FARP2: variants seen among roughly 807,000 people sequenced by gnomAD.
FARP2 encodes the protein FERM, ARHGEF and pleckstrin domain-containing protein 2.
FARP2 carries 111 observed loss-of-function variants against 130.5 expected under a neutral mutation model. The ratio of observed to expected loss-of-function variants is 0.85; its 90% CI spans 0.73 to 1.00. The LOEUF (loss-of-function observed/expected upper bound fraction) is 1.00. Among genes scored for constraint, FARP2 ranks in the 50% least tolerant of loss-of-function variants. The pLI is 0.00. For missense variants in FARP2, 1,385 were observed against 1,346.3 expected, an observed-to-expected ratio of 1.03 and a Z score of -0.45; for synonymous variants, 504 against 516.9, an observed-to-expected ratio of 0.98 and a Z score of 0.34.
At chr2:241,407,431 G>GTTT (rs2062389920) in intron 4 of FARP2, 106 bp from the exon 5 acceptor site, 1 of 839,796 alleles carries the variant, frequency 1.2e-6, no homozygotes, top group South Asian at 1.5e-5. Context: ...AAGATTTGCT[G>GTTT]TAACAGTCCA....
intron 8 of FARP2, among the ~76,000 whole-genome samples, chr2:241,425,340 T>C (rs2062906589): frequency 6.6e-6 from 1 of 152,056 alleles, no homozygotes; most frequent in African/African-American, 2.4e-5. Context: ...TGAGATTTAA[T>C]TAAACTGAAA....
At chr2:241,472,071 G>A (rs919031847) in intron 18 of FARP2, among the ~76,000 whole-genome samples, 5 of 151,618 alleles carry the variant, frequency 3.3e-5, no homozygotes, top group African/African-American at 1.2e-4. Context: ...GCCATTTTGA[G>A]GGGATCCTGT....
intron 2 of FARP2, among the ~76,000 whole-genome samples, chr2:241,393,159 A>G (rs2061950080): frequency 2.6e-5 from 4 of 151,726 alleles, no homozygotes; most frequent in Admixed American, 6.6e-5. Context: ...AGCTGGGACT[A>G]CAGGCACCTG....
chr2:241,474,783 C>A (rs1282783708), intron 18 of FARP2, among the ~76,000 whole-genome samples: 2 of 147,642 alleles, frequency 1.4e-5, no homozygotes, highest in South Asian at 2.2e-4. Flanking sequence ...CAGAGTGAGA[C>A]CCTGTCTCTA....
intron 7 of FARP2, among the ~76,000 whole-genome samples, chr2:241,415,153 A>G (rs1197406789): frequency 6.6e-6 from 1 of 152,090 alleles, no homozygotes; most frequent in Non-Finnish European, 1.5e-5. Context: ...GGTGCTTCTC[A>G]TCCATTTGCC....
At chr2:241,424,765 A>C (rs986463452) in intron 8 of FARP2, among the ~76,000 whole-genome samples, 4 of 152,230 alleles carry the variant, frequency 2.6e-5, no homozygotes, top group Non-Finnish European at 5.9e-5. Context: ...TGATAGGGGA[A>C]TATCACCACT....
At chr2:241,402,847 TATATATATATATATATATATA>T (rs2062210187) in intron 2 of FARP2, among the ~76,000 whole-genome samples, 1 of 7,294 alleles carries the variant, frequency 1.4e-4, no homozygotes, top group African/African-American at 4.6e-4. Context: ...TATATATATA[TATATATATATATATATATATA>T]TATATATATA....
intron 17 of FARP2, among the ~76,000 whole-genome samples, 176 bp from the exon 18 acceptor site, chr2:241,467,964 C>A (rs568398065): frequency 2.5e-4 from 38 of 152,164 alleles, no homozygotes; most frequent in Admixed American, 2.5e-3. Context: ...GCATCTGAGA[C>A]GGGTTGAGAT....
At chr2:241,358,168 G>A (rs897955964) in intron 1 of FARP2, among the ~76,000 whole-genome samples, 3 of 152,158 alleles carry the variant, frequency 2.0e-5, no homozygotes, top group East Asian at 1.9e-4. Context: ...CATCCTGGGC[G>A]ACAGAGCGAG....
At chr2:241,467,535 G>A (rs573411910) in intron 17 of FARP2, among the ~76,000 whole-genome samples, 7 of 151,832 alleles carry the variant, frequency 4.6e-5, no homozygotes, top group Non-Finnish European at 1.0e-4. Flanking sequence ...CTGTTCTTGC[G>A]GGGGGCTAAG....
At chr2:241,481,179 T>C (rs1404100205) in intron 19 of FARP2, among the ~76,000 whole-genome samples, 1 of 151,868 alleles carries the variant, frequency 6.6e-6, no homozygotes, top group Non-Finnish European at 1.5e-5. Flanking sequence ...GAGTGAACCG[T>C]GATCGTACCA....
rs201386350 is a variant in FARP2 at position 241,378,109 on chromosome 2, A to AT, written c.183+4829dup. Reference sequence around the variant, plus strand: ...ATGATATTTTTATTTTTATTTTATTATTTTTTTTTTGAGGCAGAATTTCAC... The same window carrying AT: ...ATGATATTTTTATTTTTATTTTATTATTTTTTTTTTTGAGGCAGAATTTCAC... On this transcript the variant is annotated intron_variant, in intron 2 of 26. Coordinates refer to ENST00000264042, the MANE Select transcript of FARP2 (RefSeq NM_014808.4). Among the ~76,000 whole-genome samples, 1,128 of 148,324 alleles carry AT rather than the reference A, an allele frequency of 7.6e-3. 12 individuals carry two copies. Among genetic ancestry groups the AT allele is most frequent in the African/African-American group, 0.024 (982 of 40,524 alleles).
At chr2:241,373,620 G>A (rs551773992) in intron 2 of FARP2, among the ~76,000 whole-genome samples, 1 of 152,186 alleles carries the variant, frequency 6.6e-6, no homozygotes, top group Non-Finnish European at 1.5e-5. Flanking sequence ...TGGTCTCAGC[G>A]AGGCCCAGGC....
At chr2:241,458,411 G>T (rs78816762) in intron 14 of FARP2, among the ~76,000 whole-genome samples, 1 of 152,282 alleles carries the variant, frequency 6.6e-6, no homozygotes, top group African/African-American at 2.4e-5. Flanking sequence ...AGGGCTACCC[G>T]TGGGATGCTG....
intron 1 of FARP2, among the ~76,000 whole-genome samples, chr2:241,368,012 A>G (rs2061351383): frequency 6.6e-6 from 1 of 151,908 alleles, no homozygotes; most frequent in Non-Finnish European, 1.5e-5. Flanking sequence ...ATTTGTCACT[A>G]GAGTGGTCCA....
At chr2:241,411,229 G>A (rs1277319397) in intron 6 of FARP2, 99 bp downstream of exon 6, 1 of 801,022 alleles carries the variant, frequency 1.2e-6, no homozygotes, top group Non-Finnish European at 2.1e-6. Context: ...TGCCTAGTTA[G>A]TGAGCCTGAC....
chr2:241,405,699 C>T (rs1324755170), intron 4 of FARP2, among the ~76,000 whole-genome samples: 2 of 152,162 alleles, frequency 1.3e-5, no homozygotes, highest in Non-Finnish European at 2.9e-5. Context: ...TTTGGGAGGC[C>T]CAAGCGGGCA....
At chr2:241,358,887 A>G (rs2061123476) in intron 1 of FARP2, among the ~76,000 whole-genome samples, 1 of 152,254 alleles carries the variant, frequency 6.6e-6, no homozygotes, top group Non-Finnish European at 1.5e-5. Flanking sequence ...CAGTGATTCT[A>G]TAAATTGGTC....
chr2:241,437,656 T>A (rs1164550049), intron 12 of FARP2, among the ~76,000 whole-genome samples: 1 of 141,982 alleles, frequency 7.0e-6, no homozygotes, highest in Non-Finnish European at 1.5e-5. Context: ...ATATATTTAT[T>A]TATTTATTTA....
Sources: allele counts gnomAD v4.1 joint callset (sites outside exome capture counted in the v4.1 genomes callset), GRCh38; gene constraint gnomAD v4.1.1; transcripts MANE v1.5; gene names NCBI Gene and HGNC (gene_info 2026-07-23, HGNC 2026-07-21).